The following OSCP1 variants were observed in gnomAD, a reference collection of about 807,000 sequenced individuals.
The protein encoded by OSCP1 is organic solute carrier partner 1.
OSCP1 carries 35 observed loss-of-function variants against 45.1 expected under a neutral mutation model. The observed-to-expected ratio is 0.78, with a 90% CI of 0.59 to 1.03. The LOEUF is 1.03. OSCP1 is among the 50% of genes least tolerant of loss of function. OSCP1 has a pLI of 0.00. For missense variants in OSCP1, 400 were observed against 470.7 expected (o/e 0.85, Z 1.39); for synonymous variants, 179 against 180.1 (o/e 0.99, Z 0.05).
intron 1 of OSCP1, among the ~76,000 whole-genome samples, chr1:36,449,422 T>C (rs1649739556): frequency 1.6e-5 from 2 of 125,434 alleles, no homozygotes; most frequent in African/African-American, 5.4e-5. Flanking sequence ...ATTTATAACT[T>C]TCTTATTTTT....
Position 36,438,652 on chromosome 1 carries a change from T to G in OSCP1, c.267+104A>C, listed in dbSNP as rs1010650577. ...CTAGTATTTACACATGCCTGTTTCT[T>G]GCAAGGACCATTGCATACATCATCT... On this transcript the variant is annotated intron_variant, in intron 2 of 9. Transcript: ENST00000235532. 3.7e-6 allele frequency: 5 copies of G among 1,368,054 alleles called. No homozygotes were observed. The African/African-American group carries it at 7.3e-5, about 20-fold the overall frequency. 84.7% of individuals were successfully genotyped at this position (1,368,054 alleles called of 1,614,324 possible). A position where few individuals can be genotyped will look rare whatever the true frequency, so the allele number is the denominator to read the frequency against.
rs1290481254 is a variant in OSCP1, at chr1:36,420,547, C to A, written c.888G>T (p.Met296Ile). 1.2e-6 allele frequency: 2 copies of A among 1,614,024 alleles called. No individual in the cohort carries two copies. Among genetic ancestry groups the A allele is most frequent in the East Asian group, 4.5e-5 (2 of 44,890 alleles). The change falls in exon 8 of 10, where the codon ATG (methionine) becomes ATT (isoleucine). Residue 296 changes from methionine (M) to isoleucine (I), a missense_variant. Physicochemically the swap from Met to Ile is conservative, Grantham distance 10. Coordinates refer to ENST00000235532, the MANE Select transcript of OSCP1 (RefSeq NM_145047.5). ...CAGGGCCACTGGGTTTCTTAATCTCCATCCCTCCCATCAGCCTGGCCAAGA... is the reference window on the plus strand; with the variant it reads ...CAGGGCCACTGGGTTTCTTAATCTCAATCCCTCCCATCAGCCTGGCCAAGA... ...LNFLARLMGG[M>I]EIKKPSGPEP...
chr1:36,446,007 C>A (rs1363587523), intron 1 of OSCP1, among the ~76,000 whole-genome samples: 1 of 150,240 alleles, frequency 6.7e-6, no homozygotes, highest in African/African-American at 2.5e-5. Flanking sequence ...GCCATCACAC[C>A]CGGCCTGGCA....
chr1:36,427,596 C>T (rs1000493470), intron 4 of OSCP1, among the ~76,000 whole-genome samples: 6 of 152,218 alleles, frequency 3.9e-5, no homozygotes, highest in East Asian at 1.9e-4. Flanking sequence ...GGATTACAGG[C>T]GTGAGCCACT....
intron 7 of OSCP1, 73 bp from the exon 8 acceptor site, chr1:36,420,688 G>A: frequency 6.5e-7 from 1 of 1,548,426 alleles, no homozygotes. Context: ...CAGAGACACA[G>A]GTAGGTATTA....
chr1:36,420,654 C>T (rs778401359), intron 7 of OSCP1, 39 bp from the exon 8 acceptor site: 1 of 1,606,800 alleles, frequency 6.2e-7, no homozygotes. Flanking sequence ...CACATGAAGG[C>T]AATCACATTT....
At chr1:36,441,388 G>A (rs1649137728) in intron 1 of OSCP1, among the ~76,000 whole-genome samples, 1 of 152,172 alleles carries the variant, frequency 6.6e-6, no homozygotes, top group South Asian at 2.1e-4. Flanking sequence ...GGAAGGAGAT[G>A]TTATCCTGGC....
chr1:36,450,151 A>G, intron 1 of OSCP1, 107 bp downstream of exon 1: 1 of 689,878 alleles, frequency 1.4e-6, no homozygotes, highest in Non-Finnish European at 2.3e-6. Context: ...CCTGGTTATA[A>G]GAGTGAAGTG....
At position 36,434,381 on chromosome 1, in the gene OSCP1, C is replaced by G. The variant is rs1280988118; in HGVS notation, c.268-1792G>C. On this transcript the variant is annotated intron_variant, in intron 2 of 9. Coordinates refer to ENST00000235532, the MANE Select transcript of OSCP1 (RefSeq NM_145047.5). ...CTCAAGACTATCAGATTCTAAGGCA[C>G]TTGCCAGGACCCTGCTACACAATCC... Among the ~76,000 whole-genome samples, 3 of 152,200 alleles carry G rather than the reference C, an allele frequency of 2.0e-5. No homozygotes were observed. The East Asian group carries it at 5.8e-4, about 29-fold the overall frequency.
rs765033327 is a variant in OSCP1 at position 36,450,412 on chromosome 1, G to A, written c.-43C>T. On this transcript the variant is annotated 5_prime_UTR_variant, in exon 1 of 10. Coordinates refer to ENST00000235532, the MANE Select transcript of OSCP1 (RefSeq NM_145047.5). Reference sequence around the variant, plus strand: ...GGACTGGTGAAGAGCCCCGGGGTTCGGTAGCCAGTGGCCTGAAGGCCAGGC... The same window carrying A: ...GGACTGGTGAAGAGCCCCGGGGTTCAGTAGCCAGTGGCCTGAAGGCCAGGC... 3 of 1,528,314 alleles carry A rather than the reference G, an allele frequency of 2.0e-6. No homozygotes were observed. Among genetic ancestry groups the A allele is most frequent in the Non-Finnish European group, 2.7e-6 (3 of 1,104,568 alleles). The allele number at this position is 1,528,314 out of a possible 1,614,324, so 94.7% of individuals were successfully genotyped here. A position where few individuals can be genotyped will look rare whatever the true frequency, so the allele number is the denominator to read the frequency against.
intron 1 of OSCP1, among the ~76,000 whole-genome samples, chr1:36,444,780 C>G (rs1012031844): frequency 2.0e-5 from 3 of 152,104 alleles, no homozygotes; most frequent in African/African-American, 7.2e-5. Flanking sequence ...TACTTACTGG[C>G]TATATAAACT....
In OSCP1 at chr1:36,432,386, T is replaced by A. The variant is rs374022209; in HGVS notation, c.435+36A>T. 3.7e-6 allele frequency: 6 copies of A among 1,607,670 alleles called. No individual in the cohort carries two copies. In the African/African-American group the frequency reaches 8.0e-5, roughly 21 times the overall value. On this transcript the variant is annotated intron_variant, in intron 3 of 9. Coordinates refer to ENST00000235532, the MANE Select transcript of OSCP1 (RefSeq NM_145047.5). ...TTAACAGAGGGATGAGAAAAAGTAC[T>A]GGGGCTGAGAGGCGAGACACTGATG...
intron 7 of OSCP1, among the ~76,000 whole-genome samples, chr1:36,420,965 T>A (rs1223865959): frequency 6.6e-6 from 1 of 151,920 alleles, no homozygotes; most frequent in Non-Finnish European, 1.5e-5. Context: ...CTCAGTCCAG[T>A]CTCCTTCCAG....
At chr1:36,425,935 G>A (rs186774200) in intron 4 of OSCP1, among the ~76,000 whole-genome samples, 3 of 152,122 alleles carry the variant, frequency 2.0e-5, no homozygotes, top group Non-Finnish European at 4.4e-5. Context: ...CGGGAGTCTG[G>A]GGGGAGGCAG....
At chr1:36,435,884 G>A (rs192463137) in intron 2 of OSCP1, among the ~76,000 whole-genome samples, 88 of 151,390 alleles carry the variant, frequency 5.8e-4, no homozygotes, top group African/African-American at 2.0e-3. Flanking sequence ...CGCCTGCCTC[G>A]GCCTCCCAAA....
chr1:36,430,872 C>T (rs1648319464), intron 4 of OSCP1, among the ~76,000 whole-genome samples: 1 of 152,192 alleles, frequency 6.6e-6, no homozygotes, highest in African/African-American at 2.4e-5. Flanking sequence ...CCAGGCTGGT[C>T]TCAAACTCCT....
At chr1:36,437,836 G>A (rs999230600) in intron 2 of OSCP1, among the ~76,000 whole-genome samples, 4 of 152,094 alleles carry the variant, frequency 2.6e-5, no homozygotes, top group African/African-American at 9.7e-5. Context: ...TGCTTTTATT[G>A]TGTTAAGGCA....
intron 7 of OSCP1, 137 bp from the exon 8 acceptor site, chr1:36,420,752 G>T: frequency 2.4e-6 from 3 of 1,238,302 alleles, no homozygotes; most frequent in African/African-American, 1.5e-5. Context: ...CAAATAAAGT[G>T]TAGAAAGCAG....
intron 1 of OSCP1, among the ~76,000 whole-genome samples, chr1:36,449,534 G>C (rs1198933311): frequency 6.6e-6 from 1 of 152,026 alleles, no homozygotes; most frequent in Non-Finnish European, 1.5e-5. Flanking sequence ...CTACCATAAA[G>C]AAATTAAGAA....
Sources: gnomAD v4.1 joint callset for allele counts (sites outside exome capture counted in the v4.1 genomes callset) on GRCh38, gnomAD v4.1.1 for gene constraint, MANE v1.5 for transcripts, NCBI Gene and HGNC (gene_info 2026-07-23, HGNC 2026-07-21) for gene names.